The following XCR1 variants were observed in gnomAD, a reference collection of about 807,000 sequenced individuals.
The protein encoded by XCR1 is X-C motif chemokine receptor 1.
For synonymous variants in XCR1, 187 were observed against 188.5 expected (o/e 0.99, Z 0.06); for missense variants, 356 against 424.2 (o/e 0.84, Z 1.41).
chr3:46,030,175 T>A (rs1426350318), upstream of XCR1, among the ~76,000 whole-genome samples: 13 of 152,212 alleles, frequency 8.5e-5, no homozygotes, highest in Non-Finnish European at 1.8e-4. Context: ...CCGTGTTTAG[T>A]TGTCCTGGCT....
chr3:46,042,656 A>G (rs1181516568), intron 5 of XCR1, among the ~76,000 whole-genome samples: 1 of 152,254 alleles, frequency 6.6e-6, no homozygotes, highest in Non-Finnish European at 1.5e-5. Flanking sequence ...ACCTATAACA[A>G]GAAAAGATAT....
chr3:46,071,614 A>G (rs564743155), intron 3 of XCR1, among the ~76,000 whole-genome samples: 5 of 152,376 alleles, frequency 3.3e-5, no homozygotes, highest in African/African-American at 1.2e-4. Flanking sequence ...ATACAGGATG[A>G]TCAACTGGGT....
At chr3:46,079,126 G>A (rs1010092835) in intron 1 of XCR1, among the ~76,000 whole-genome samples, 1 of 152,194 alleles carries the variant, frequency 6.6e-6, no homozygotes, top group East Asian at 1.9e-4. Flanking sequence ...AAGTTCCTAA[G>A]TTACGGGAAA....
intron 1 of XCR1, among the ~76,000 whole-genome samples, chr3:46,025,887 C>G (rs1326412597): frequency 6.6e-6 from 1 of 152,132 alleles, no homozygotes; most frequent in African/African-American, 2.4e-5. Context: ...AACTACAGAA[C>G]AATATTCCTC....
chr3:46,047,265 T>A (rs1199915794), intron 5 of XCR1, among the ~76,000 whole-genome samples: 1 of 152,150 alleles, frequency 6.6e-6, no homozygotes, highest in Non-Finnish European at 1.5e-5. Context: ...ATGAGTAAGC[T>A]AAGTTAGAAG....
chr3:46,077,047 C>T (rs1164674361), intron 1 of XCR1, among the ~76,000 whole-genome samples: 1 of 152,128 alleles, frequency 6.6e-6, no homozygotes, highest in Admixed American at 6.5e-5. Flanking sequence ...AAGTAGTTAC[C>T]TCTTGAAGCC....
intron 1 of XCR1, chr3:46,023,774 C>T: frequency 6.5e-7 from 1 of 1,541,890 alleles, no homozygotes. Flanking sequence ...GGAAGCAAAG[C>T]CCCAGAAGAT....
chr3:46,039,979 T>C (rs1167471349), intron 5 of XCR1, among the ~76,000 whole-genome samples: 2 of 152,220 alleles, frequency 1.3e-5, no homozygotes, highest in Non-Finnish European at 2.9e-5. Flanking sequence ...GTAAAACTGA[T>C]TAAAATTAGA....
chr3:46,043,140 C>T (rs1381927520), intron 5 of XCR1, among the ~76,000 whole-genome samples: 2 of 152,098 alleles, frequency 1.3e-5, no homozygotes, highest in African/African-American at 4.8e-5. Flanking sequence ...GATAAAAACA[C>T]TCAGTAAATT....
intron 5 of XCR1, among the ~76,000 whole-genome samples, chr3:46,038,728 T>C (rs750806542): frequency 3.3e-5 from 5 of 152,314 alleles, no homozygotes; most frequent in Non-Finnish European, 5.9e-5. Context: ...GACTTATTTT[T>C]ACAAGTTCTA....
intron 4 of XCR1, among the ~76,000 whole-genome samples, chr3:46,061,511 A>T (rs1697961089): frequency 6.6e-6 from 1 of 152,214 alleles, no homozygotes; most frequent in Non-Finnish European, 1.5e-5. Flanking sequence ...TCCTCTACTG[A>T]GTTCACCCTT....
intron 5 of XCR1, among the ~76,000 whole-genome samples, chr3:46,049,167 T>C (rs192717904): frequency 2.0e-5 from 3 of 152,334 alleles, no homozygotes; most frequent in East Asian, 1.9e-4. Context: ...GGTTGCTGTG[T>C]GTGTAACATC....
chr3:46,033,079 T>C (rs1266157649), intron 5 of XCR1, among the ~76,000 whole-genome samples: 2 of 148,566 alleles, frequency 1.3e-5, no homozygotes, highest in Non-Finnish European at 3.0e-5. Context: ...GGCTTGTCTA[T>C]TCATTCTTTT....
intron 4 of XCR1, among the ~76,000 whole-genome samples, chr3:46,055,043 C>G (rs192846387): frequency 1.4e-3 from 208 of 152,308 alleles, no homozygotes; most frequent in African/African-American, 4.6e-3. Flanking sequence ...AGTTATATCC[C>G]TTGTTGCCCT....
intron 5 of XCR1, among the ~76,000 whole-genome samples, chr3:46,044,382 GAA>G (rs1697588064): frequency 6.6e-6 from 1 of 152,080 alleles, no homozygotes; most frequent in South Asian, 2.1e-4. Context: ...TATATTTGGA[GAA>G]AAGTCTATAC....
chr3:46,060,880 A>G (rs1697949375), intron 4 of XCR1, among the ~76,000 whole-genome samples: 1 of 152,144 alleles, frequency 6.6e-6, no homozygotes, highest in African/African-American at 2.4e-5. Context: ...CCACTATTCT[A>G]TCAAGCCTGC....
chr3:46,074,355 A>G (rs2125903438), intron 3 of XCR1, among the ~76,000 whole-genome samples: 1 of 151,650 alleles, frequency 6.6e-6, no homozygotes, highest in South Asian at 2.1e-4. Context: ...AAGTAAAACA[A>G]CTCAGAAACA....
chr3:46,037,849 A>G (rs1281771605), intron 5 of XCR1, among the ~76,000 whole-genome samples: 1 of 152,134 alleles, frequency 6.6e-6, no homozygotes, highest in East Asian at 1.9e-4. Context: ...ACATGCTTGC[A>G]TTGCTTCACA....
intron 5 of XCR1, among the ~76,000 whole-genome samples, chr3:46,033,080 T>C (rs1489485651): frequency 2.0e-5 from 3 of 148,550 alleles, no homozygotes; most frequent in Non-Finnish European, 4.4e-5. Context: ...GCTTGTCTAT[T>C]CATTCTTTTA....
Sources: gnomAD v4.1 joint callset for allele counts (sites outside exome capture counted in the v4.1 genomes callset) on GRCh38, gnomAD v4.1.1 for gene constraint, MANE v1.5 for transcripts, NCBI Gene and HGNC (gene_info 2026-07-23, HGNC 2026-07-21) for gene names.